Variants in KCNQ3 observed in about 807,000 individuals in gnomAD.
The protein encoded by KCNQ3 is potassium voltage-gated channel subfamily Q member 3, also known as potassium voltage-gated channel subfamily KQT member 3.
A neutral mutation model predicts 92.5 loss-of-function variants in KCNQ3; 30 were observed. That is an observed-to-expected ratio of 0.32 (90% CI 0.24 to 0.44). KCNQ3 has a LOEUF of 0.44. Ranked by LOEUF, KCNQ3 falls within the 20% of genes least tolerant of loss-of-function variation. The pLI is 1.00. For synonymous variants in KCNQ3, 450 were observed against 468.8 expected (o/e 0.96, Z 0.52); for missense variants, 913 against 1,140.3 (o/e 0.80, Z 2.87).
At chr8:132,363,568 C>G (rs73708408) in intron 1 of KCNQ3, among the ~76,000 whole-genome samples, 2 of 152,078 alleles carry the variant, frequency 1.3e-5, no homozygotes, top group East Asian at 3.9e-4. Flanking sequence ...CTCATACATG[C>G]GGGCAGCCCC....
chr8:132,201,252 A>G (rs1023779765), intron 1 of KCNQ3, among the ~76,000 whole-genome samples: 4 of 152,142 alleles, frequency 2.6e-5, no homozygotes, highest in Admixed American at 6.6e-5. Flanking sequence ...GGACACATTC[A>G]CTTCATATTG....
At chr8:132,158,952 A>G (rs1213333800) in intron 9 of KCNQ3, among the ~76,000 whole-genome samples, 1 of 152,180 alleles carries the variant, frequency 6.6e-6, no homozygotes. Context: ...TACAGAGGAG[A>G]AGATTCCTGA....
chr8:132,474,541 A>G (rs1822365901), intron 1 of KCNQ3, among the ~76,000 whole-genome samples: 1 of 152,214 alleles, frequency 6.6e-6, no homozygotes, highest in African/African-American at 2.4e-5. Flanking sequence ...AACTATTCTT[A>G]TAATTAAAGT....
chr8:132,479,947 G>GC (rs1822505701), intron 1 of KCNQ3, among the ~76,000 whole-genome samples, 200 bp downstream of exon 1: 1 of 99,202 alleles, frequency 1.0e-5, no homozygotes, highest in African/African-American at 3.9e-5. Context: ...CCGGAGAGCG[G>GC]CAACACACAC....
At chr8:132,167,638 A>G (rs905703878) in intron 8 of KCNQ3, among the ~76,000 whole-genome samples, 7 of 152,236 alleles carry the variant, frequency 4.6e-5, no homozygotes, top group Admixed American at 3.3e-4. Context: ...TTGCTAAATG[A>G]ATTTCTCTAG....
At chr8:132,425,675 G>T (rs1407508879) in intron 1 of KCNQ3, among the ~76,000 whole-genome samples, 1 of 152,166 alleles carries the variant, frequency 6.6e-6, no homozygotes, top group Non-Finnish European at 1.5e-5. Flanking sequence ...GAAGTTTGTT[G>T]TTTCAAGGAA....
chr8:132,141,892 T>A lies in KCNQ3; in HGVS notation c.1263-561A>T, dbSNP rs552776216. 6.6e-5 allele frequency among the ~76,000 whole-genome samples: 10 copies of A among 152,332 alleles called. No homozygotes were observed. The South Asian group carries it at 2.1e-3, about 32-fold the overall frequency. On this transcript the variant is annotated intron_variant, in intron 9 of 14. Transcript: ENST00000388996. ...ACATTTTTAATTTACTAACTTCTAA[T>A]GAAAATTTAGCATCTCTTTCCAGTA...
intron 1 of KCNQ3, among the ~76,000 whole-genome samples, chr8:132,332,704 T>C (rs1818263372): frequency 2.0e-5 from 3 of 152,370 alleles, no homozygotes; most frequent in South Asian, 4.1e-4. Flanking sequence ...CTGTCTTGTT[T>C]CTGGCTAGCA....
intron 1 of KCNQ3, among the ~76,000 whole-genome samples, chr8:132,375,578 T>C (rs897405995): frequency 3.3e-5 from 5 of 152,222 alleles, no homozygotes; most frequent in Admixed American, 6.5e-5. Flanking sequence ...TCCTGGGGTA[T>C]GGAGAAAGGG....
intron 9 of KCNQ3, among the ~76,000 whole-genome samples, chr8:132,157,077 T>C (rs900694015): frequency 2.6e-5 from 4 of 152,202 alleles, no homozygotes; most frequent in African/African-American, 4.8e-5. Flanking sequence ...CTTCCAGAAC[T>C]GTGAGAGAAT....
Position 132,480,484 on chromosome 8 carries a change from C to T in KCNQ3, c.49G>A (p.Asp17Asn), listed in dbSNP as rs1355500787. ...GCCCCGCCGCCTCCGCCGCCCCCGT[C>T]GCCGCCGCCGCCAGCCGCCCCCGCC... Reference protein sequence around the residue: ...RAAGAAGGGGDGGGGGGGAAN... With the variant: ...RAAGAAGGGGNGGGGGGGAAN... The change falls in exon 1 of 15, where the codon GAC (aspartate) becomes AAC (asparagine). Residue 17 changes from aspartate to asparagine, a missense_variant. Asp to Asn is a conservative substitution (Grantham distance 23). Transcript: ENST00000388996. 25 of 1,201,290 alleles carry T rather than the reference C, an allele frequency of 2.1e-5. No homozygotes were observed. The highest frequency in any genetic ancestry group is 8.0e-5 in the African/African-American group (5 of 62,232). 74.4% of individuals were successfully genotyped at this position (1,201,290 alleles called of 1,614,324 possible).
In KCNQ3 at chr8:132,162,169, A is replaced by G. The variant is rs564609642; in HGVS notation, c.1262+1299T>C. Among the ~76,000 whole-genome samples the G allele has an allele frequency of 1.2e-4, 19 of 152,350 alleles. No individual in the cohort carries two copies. In the South Asian group the frequency reaches 1.9e-3, roughly 15 times the overall value. On this transcript the variant is annotated intron_variant, in intron 9 of 14. Transcript: ENST00000388996. ...GGGAGGCATCCCCAGGAAAGCCTCA[A>G]AATGCATCTATCTGAGCCCTAATTA...
chr8:132,143,295 A>G (rs1485568991), intron 9 of KCNQ3, among the ~76,000 whole-genome samples: 1 of 152,052 alleles, frequency 6.6e-6, no homozygotes, highest in Non-Finnish European at 1.5e-5. Flanking sequence ...GACAGAGCCC[A>G]TGGGCTAAAA....
intron 1 of KCNQ3, among the ~76,000 whole-genome samples, chr8:132,252,452 T>C (rs2085519): frequency 0.57 from 86,174 of 151,718 alleles, 25,485 homozygotes; most frequent in East Asian, 0.81. Flanking sequence ...GGACAGAAGC[T>C]GCAGACCCTC....
At chr8:132,293,321 A>T (rs1365561106) in intron 1 of KCNQ3, among the ~76,000 whole-genome samples, 2 of 152,162 alleles carry the variant, frequency 1.3e-5, no homozygotes, top group African/African-American at 4.8e-5. Flanking sequence ...CTAGTGTCTG[A>T]CGGGAGGCAG....
intron 1 of KCNQ3, among the ~76,000 whole-genome samples, chr8:132,200,252 G>A (rs1351904207): frequency 6.6e-6 from 1 of 152,208 alleles, no homozygotes; most frequent in East Asian, 1.9e-4. Context: ...TAACCCAGGT[G>A]TTAGCAAACT....
At chr8:132,366,994 C>T (rs1281349150) in intron 1 of KCNQ3, among the ~76,000 whole-genome samples, 10 of 152,008 alleles carry the variant, frequency 6.6e-5, no homozygotes, top group South Asian at 2.1e-4. Flanking sequence ...TCTTATTTTT[C>T]GATCTGAGCT....
chr8:132,341,193 A>G (rs1414116349), intron 1 of KCNQ3, among the ~76,000 whole-genome samples: 1 of 152,254 alleles, frequency 6.6e-6, no homozygotes, highest in Non-Finnish European at 1.5e-5. Context: ...ACACTGAGGA[A>G]GAGGTCTCCT....
rs77671768 is a variant in KCNQ3, at chr8:132,345,107, C to T, written c.386+135040G>A. On this transcript the variant is annotated intron_variant, in intron 1 of 14. Transcript: ENST00000388996. ...GAGGGATTTTAAGTGAATCCTTGCT[C>T]CTCTGGGGCCCTCAGGACACTAGAA... 4.2e-3 allele frequency among the ~76,000 whole-genome samples: 644 copies of T among 152,184 alleles called. 4 individuals are homozygous for T. Among genetic ancestry groups the T allele is most frequent in the African/African-American group, 0.015 (621 of 41,516 alleles).
Sources: allele counts gnomAD v4.1 joint callset (sites outside exome capture counted in the v4.1 genomes callset), GRCh38; gene constraint gnomAD v4.1.1; transcripts MANE v1.5; gene names NCBI Gene and HGNC (gene_info 2026-07-23, HGNC 2026-07-21).